MBTPS1: variants seen among roughly 807,000 people sequenced by gnomAD.
MBTPS1 encodes the protein membrane-bound transcription factor site-1 protease.
In MBTPS1, 94 loss-of-function variants were observed where a neutral mutation model predicts 127.8. That is an observed-to-expected ratio of 0.74 (90% CI 0.62 to 0.87). MBTPS1 has a LOEUF of 0.87. Ranked by LOEUF, MBTPS1 falls within the 40% of genes least tolerant of loss-of-function variation. MBTPS1 has a pLI of 0.00. For synonymous variants in MBTPS1, 632 were observed against 509.4 expected (o/e 1.24, Z -3.24); for missense variants, 1,636 against 1,353.2 (o/e 1.21, Z -3.28).
intron 18 of MBTPS1, among the ~76,000 whole-genome samples, 166 bp from the exon 19 acceptor site, chr16:84,063,611 T>C (rs550259956): frequency 6.6e-6 from 1 of 152,388 alleles, no homozygotes; most frequent in Admixed American, 6.5e-5. Flanking sequence ...ATAAGCCTTT[T>C]AGAATAGAAA....
chr16:84,083,719 A>T (rs2085975729), intron 10 of MBTPS1, among the ~76,000 whole-genome samples: 1 of 152,218 alleles, frequency 6.6e-6, no homozygotes, highest in South Asian at 2.1e-4. Context: ...TATATTAATT[A>T]ATTTTTAAAT....
chr16:84,092,693 C>T (rs1306562829), intron 6 of MBTPS1, among the ~76,000 whole-genome samples: 2 of 152,234 alleles, frequency 1.3e-5, no homozygotes. Context: ...CTAGGACCCT[C>T]TCCCTTTTCT....
At chr16:84,111,436 A>G (rs1357076343) in intron 1 of MBTPS1, among the ~76,000 whole-genome samples, 1 of 151,906 alleles carries the variant, frequency 6.6e-6, no homozygotes, top group Non-Finnish European at 1.5e-5. Flanking sequence ...AGCTACCCGG[A>G]AGGCTGAGGC....
At chr16:84,091,156 A>C (rs1193760516) in intron 7 of MBTPS1, among the ~76,000 whole-genome samples, 1 of 152,188 alleles carries the variant, frequency 6.6e-6, no homozygotes, top group Non-Finnish European at 1.5e-5. Context: ...CTGACTTTCT[A>C]GTCACTTTGA....
chr16:84,112,284 C>G (rs1030386544), intron 1 of MBTPS1, among the ~76,000 whole-genome samples: 3 of 152,156 alleles, frequency 2.0e-5, no homozygotes, highest in Non-Finnish European at 4.4e-5. Context: ...TGTATGATTA[C>G]AGATAGTTAA....
intron 1 of MBTPS1, among the ~76,000 whole-genome samples, chr16:84,107,101 T>G (rs2086334262): frequency 6.6e-6 from 1 of 152,132 alleles, no homozygotes; most frequent in South Asian, 2.1e-4. Flanking sequence ...ATCCAGTACC[T>G]TTTCTTTCAG....
chr16:84,069,322 A>G (rs186429293), intron 14 of MBTPS1, among the ~76,000 whole-genome samples: 1 of 152,332 alleles, frequency 6.6e-6, no homozygotes, highest in East Asian at 1.9e-4. Flanking sequence ...AAGCAGTGCC[A>G]GCTTCTGAAG....
intron 21 of MBTPS1, chr16:84,057,655 T>C (rs1415179502): frequency 3.3e-5 from 5 of 152,174 alleles, no homozygotes; most frequent in Admixed American, 3.3e-4. Context: ...TGGTCTCAAA[T>C]CTCTTTTGGA....
chr16:84,071,237 G>A (rs1450203660), intron 12 of MBTPS1, among the ~76,000 whole-genome samples: 1 of 152,222 alleles, frequency 6.6e-6, no homozygotes, highest in African/African-American at 2.4e-5. Context: ...GAGGTGGCCG[G>A]AGGGAGGACT....
intron 1 of MBTPS1, among the ~76,000 whole-genome samples, chr16:84,106,375 T>G (rs1229913155): frequency 6.6e-6 from 1 of 152,144 alleles, no homozygotes; most frequent in African/African-American, 2.4e-5. Context: ...GGGTTTCTGC[T>G]ACAGCACTAC....
In MBTPS1 at chr16:84,054,362, T is replaced by C. The variant is rs2151136814; in HGVS notation, c.*87A>G. 5 of 1,291,090 alleles carry C rather than the reference T, an allele frequency of 3.9e-6. No homozygotes were observed. The highest frequency in any genetic ancestry group is 1.9e-4 in the Middle Eastern group (1 of 5,222). 80.0% of individuals were successfully genotyped at this position (1,291,090 alleles called of 1,614,324 possible). A position where few individuals can be genotyped will look rare whatever the true frequency, so the allele number is the denominator to read the frequency against. On this transcript the variant is annotated 3_prime_UTR_variant, in exon 23 of 23. Transcript: ENST00000343411. Reference sequence around the variant, plus strand: ...CTGCAGCTGGAAACTGGATCCCTTTTAAACCAGCCGCCACCACAGCTCGGC... The same window carrying C: ...CTGCAGCTGGAAACTGGATCCCTTTCAAACCAGCCGCCACCACAGCTCGGC...
At chr16:84,076,241 G>A (rs894960109) in intron 11 of MBTPS1, among the ~76,000 whole-genome samples, 6 of 151,752 alleles carry the variant, frequency 4.0e-5, no homozygotes, top group African/African-American at 1.2e-4. Flanking sequence ...TCATGAAAAC[G>A]CTCAGAAAAA....
chr16:84,115,583 T>C (rs962789186), intron 1 of MBTPS1, among the ~76,000 whole-genome samples: 5 of 152,244 alleles, frequency 3.3e-5, no homozygotes, highest in African/African-American at 1.2e-4. Flanking sequence ...TGCTACAACA[T>C]GGATGAACTG....
At position 84,057,940 on chromosome 16, in the gene MBTPS1, T is replaced by C. The variant is rs538661462; in HGVS notation, c.2831+1362A>G. On this transcript the variant is annotated intron_variant, in intron 21 of 22. Coordinates refer to ENST00000343411, the MANE Select transcript of MBTPS1 (RefSeq NM_003791.4). ...TCCTGAACAACACTGTGGAGAATAA[T>C]TGGGTTTCTGGAAATTCAGCTAACA... 140 of 152,300 alleles carry C rather than the reference T, an allele frequency of 9.2e-4. 2 individuals carry two copies. Among genetic ancestry groups the C allele is most frequent in the Admixed American group, 2.4e-3 (37 of 15,290 alleles). 9.4% of individuals were successfully genotyped at this position (152,300 alleles called of 1,614,324 possible). A position where few individuals can be genotyped will look rare whatever the true frequency, so the allele number is the denominator to read the frequency against.
chr16:84,070,191 T>TAG (rs148287285), intron 13 of MBTPS1, among the ~76,000 whole-genome samples, 153 bp from the exon 14 acceptor site: 2 of 152,350 alleles, frequency 1.3e-5, no homozygotes, highest in Non-Finnish European at 2.9e-5. Context: ...TCATGTATCA[T>TAG]AACTAAGTCC....
At chr16:84,081,722 C>G in intron 11 of MBTPS1, 25 bp downstream of exon 11, 1 of 1,338,028 alleles carries the variant, frequency 7.5e-7, no homozygotes, top group Non-Finnish European at 9.7e-7. Context: ...GAGAGAAAGA[C>G]CCATCGGCAG....
chr16:84,072,524 G>A (rs1055756186), intron 12 of MBTPS1, among the ~76,000 whole-genome samples: 5 of 152,206 alleles, frequency 3.3e-5, no homozygotes, highest in Admixed American at 6.5e-5. Flanking sequence ...AGGCGCGATG[G>A]CTCACACCTG....
intron 9 of MBTPS1, among the ~76,000 whole-genome samples, chr16:84,085,583 A>ACCCCC (rs1321256999): frequency 1.2e-5 from 1 of 82,540 alleles, no homozygotes; most frequent in African/African-American, 5.1e-5. Context: ...CCCCCCCCCA[A>ACCCCC]AAAAAAAGAG....
At chr16:84,078,672 A>G (rs1427927753) in intron 11 of MBTPS1, among the ~76,000 whole-genome samples, 1 of 152,242 alleles carries the variant, frequency 6.6e-6, no homozygotes, top group Non-Finnish European at 1.5e-5. Context: ...GTAGACAAGT[A>G]GTGGCTTAAA....
Sources: gnomAD v4.1 joint callset for allele counts (sites outside exome capture counted in the v4.1 genomes callset) on GRCh38, gnomAD v4.1.1 for gene constraint, MANE v1.5 for transcripts, NCBI Gene and HGNC (gene_info 2026-07-23, HGNC 2026-07-21) for gene names.